Variants in COL4A2 observed in about 807,000 individuals in gnomAD.
COL4A2 encodes the protein collagen type IV alpha 2 chain, also known as collagen alpha-2(IV) chain.
Under a neutral mutation model 200.2 loss-of-function variants are expected in COL4A2, and 99 were observed. The ratio of observed to expected loss-of-function variants is 0.49; its 90% CI spans 0.42 to 0.58. The LOEUF is 0.58. COL4A2 is among the 20% of genes least tolerant of loss of function. The probability of loss-of-function intolerance (pLI) is 0.00; values close to 1 mark genes in which losing one functional copy is unlikely to be tolerated. For synonymous variants in COL4A2, 897 were observed against 900.6 expected (o/e 1.00, Z 0.07); for missense variants, 1,950 against 2,314.1 (o/e 0.84, Z 3.23).
intron 4 of COL4A2, among the ~76,000 whole-genome samples, chr13:110,383,281 G>T (rs1878560879): frequency 6.6e-6 from 1 of 152,208 alleles, no homozygotes; most frequent in Admixed American, 6.5e-5. Context: ...TTAGCCATAT[G>T]TACCATTTAC....
chr13:110,498,560 C>G (rs1365098373), intron 40 of COL4A2, among the ~76,000 whole-genome samples: 1 of 152,140 alleles, frequency 6.6e-6, no homozygotes, highest in African/African-American at 2.4e-5. Context: ...ATGTTCAGGC[C>G]CTGTACTTGA....
intron 40 of COL4A2, 71 bp from the exon 41 acceptor site, chr13:110,501,597 G>A (rs969847302): frequency 3.8e-6 from 5 of 1,315,948 alleles, no homozygotes; most frequent in East Asian, 2.3e-5. Context: ...GTGATGGTGT[G>A]GAGGGAAAAT....
chr13:110,430,635 C>G, intron 10 of COL4A2, 28 bp downstream of exon 10: 1 of 1,614,022 alleles, frequency 6.2e-7, no homozygotes, highest in East Asian at 2.2e-5. Flanking sequence ...GGTGCCCACT[C>G]TGGGACCATC....
intron 4 of COL4A2, among the ~76,000 whole-genome samples, chr13:110,377,126 T>C (rs1435641818): frequency 2.0e-5 from 3 of 150,718 alleles, no homozygotes; most frequent in Admixed American, 6.6e-5. Flanking sequence ...CTTATACACC[T>C]GAAAGCTAGG....
chr13:110,353,165 A>G (rs543983175), intron 3 of COL4A2, among the ~76,000 whole-genome samples: 2 of 152,352 alleles, frequency 1.3e-5, no homozygotes, highest in East Asian at 3.9e-4. Context: ...GGTGAGACCC[A>G]TGCAGGATTC....
intron 4 of COL4A2, among the ~76,000 whole-genome samples, chr13:110,364,454 C>T (rs1594171179): frequency 6.6e-6 from 1 of 152,200 alleles, no homozygotes; most frequent in African/African-American, 2.4e-5. Context: ...GGTGGGATGG[C>T]GAGTGGAGGA....
At chr13:110,396,173 C>A (rs1879173888) in intron 4 of COL4A2, among the ~76,000 whole-genome samples, 1 of 152,168 alleles carries the variant, frequency 6.6e-6, no homozygotes, top group South Asian at 2.1e-4. Context: ...CTAGTTCCTC[C>A]GATTATTAAC....
chr13:110,458,219 G>C, intron 21 of COL4A2: 1 of 432,958 alleles, frequency 2.3e-6, no homozygotes, highest in South Asian at 1.8e-5. Flanking sequence ...GGCATCCTCT[G>C]TGCCCTGGGG....
At chr13:110,507,661 C>T (rs1883932316) in intron 46 of COL4A2, 1 of 550,690 alleles carries the variant, frequency 1.8e-6, no homozygotes, top group Non-Finnish European at 3.3e-6. Context: ...AATGCTATTC[C>T]ATGAAGACGC....
intron 3 of COL4A2, among the ~76,000 whole-genome samples, chr13:110,314,640 T>G (rs1885084993): frequency 6.6e-6 from 1 of 152,172 alleles, no homozygotes; most frequent in Non-Finnish European, 1.5e-5. Flanking sequence ...GCCGCTCCGT[T>G]GTTTCCTGAG....
intron 24 of COL4A2, among the ~76,000 whole-genome samples, chr13:110,464,787 G>A (rs142740515): frequency 0.013 from 1,960 of 152,188 alleles, 23 homozygotes; most frequent in Non-Finnish European, 0.021. Context: ...GAGCCGTGCC[G>A]TGGTGTGTGC....
chr13:110,405,729 C>G (rs867785077), intron 4 of COL4A2, among the ~76,000 whole-genome samples: 1 of 152,194 alleles, frequency 6.6e-6, no homozygotes, highest in Non-Finnish European at 1.5e-5. Flanking sequence ...AGCCACCTCA[C>G]TTTTTCCCTT....
chr13:110,479,985 ATGCTGGCTGGCACCCC>A (rs1342404060), intron 30 of COL4A2, among the ~76,000 whole-genome samples: 1 of 143,370 alleles, frequency 7.0e-6, no homozygotes, highest in Non-Finnish European at 1.5e-5. Context: ...TGGGAAAGCC[ATGCTGGCTGGCACCCC>A]GCCAGCACAG....
chr13:110,491,927 A>C, intron 37 of COL4A2, 143 bp from the exon 38 acceptor site: 1 of 614,146 alleles, frequency 1.6e-6, no homozygotes, highest in Non-Finnish European at 2.7e-6. Flanking sequence ...CTTGAGGGAC[A>C]GTTCTAATCT....
At chr13:110,465,748 A>G (rs1291831293) in intron 25 of COL4A2, 142 bp downstream of exon 25, 4 of 898,942 alleles carry the variant, frequency 4.4e-6, no homozygotes, top group South Asian at 3.6e-5. Context: ...GGATGACCCA[A>G]CTGTGAGGTT....
intron 4 of COL4A2, among the ~76,000 whole-genome samples, chr13:110,416,401 A>G (rs1427155935): frequency 6.6e-6 from 1 of 152,266 alleles, no homozygotes; most frequent in Non-Finnish European, 1.5e-5. Flanking sequence ...GGCTTAGGAA[A>G]TCACATCAGT....
chr13:110,361,970 G>C (rs1877534121), intron 4 of COL4A2, among the ~76,000 whole-genome samples: 1 of 152,224 alleles, frequency 6.6e-6, no homozygotes, highest in African/African-American at 2.4e-5. Context: ...TTGTGGCAGA[G>C]TCCAAAACAA....
intron 3 of COL4A2, among the ~76,000 whole-genome samples, chr13:110,312,872 A>G (rs988522681): frequency 2.0e-5 from 3 of 152,204 alleles, no homozygotes; most frequent in Admixed American, 6.5e-5. Context: ...TTGGCTCTGG[A>G]GCCTGGAAGA....
At chr13:110,400,063 T>A (rs1259838484) in intron 4 of COL4A2, among the ~76,000 whole-genome samples, 3 of 152,254 alleles carry the variant, frequency 2.0e-5, no homozygotes, top group Non-Finnish European at 2.9e-5. Flanking sequence ...GCTGGATTCC[T>A]GAACTTTAAC....
Sources: gnomAD v4.1 joint callset for allele counts (sites outside exome capture counted in the v4.1 genomes callset) on GRCh38, gnomAD v4.1.1 for gene constraint, MANE v1.5 for transcripts, NCBI Gene and HGNC (gene_info 2026-07-23, HGNC 2026-07-21) for gene names.